The following RGS12 variants were observed in gnomAD, a reference collection of about 807,000 sequenced individuals.
The protein encoded by RGS12 is regulator of G-protein signaling 12.
A neutral mutation model predicts 120.1 loss-of-function variants in RGS12; 66 were observed. That is an observed-to-expected ratio of 0.55 (90% CI 0.45 to 0.67). RGS12 has a LOEUF of 0.67. Ranked by LOEUF, RGS12 falls within the 30% of genes least tolerant of loss-of-function variation. The pLI, the probability that RGS12 is intolerant of heterozygous loss-of-function variation, is 0.00. For synonymous variants in RGS12, 827 were observed against 804.7 expected (o/e 1.03, Z -0.47); for missense variants, 1,859 against 1,957.7 (o/e 0.95, Z 0.95).
At chr4:3,325,658 G>T (rs1240124331) in intron 2 of RGS12, among the ~76,000 whole-genome samples, 1 of 152,166 alleles carries the variant, frequency 6.6e-6, no homozygotes, top group East Asian at 1.9e-4. Context: ...CCAGAAAATG[G>T]AGGATGAGGG....
At chr4:3,401,384 G>T (rs1720563338) in intron 4 of RGS12, among the ~76,000 whole-genome samples, 1 of 152,156 alleles carries the variant, frequency 6.6e-6, no homozygotes. Context: ...GCTGTTACTT[G>T]GGACAAGCAA....
intron 2 of RGS12, among the ~76,000 whole-genome samples, chr4:3,320,780 G>A (rs911943198): frequency 6.6e-5 from 10 of 152,158 alleles, no homozygotes; most frequent in African/African-American, 1.7e-4. Flanking sequence ...GTCATGAGGC[G>A]GCCACAAGAT....
chr4:3,422,531 C>G lies in RGS12; in HGVS notation c.2994C>G (p.Asn998Lys). 6.2e-7 allele frequency: 1 copy of G among 1,612,780 alleles called. No homozygotes were observed. Among genetic ancestry groups the G allele is most frequent in the Non-Finnish European group, 8.5e-7 (1 of 1,179,952 alleles). The stretch of plus-strand genomic sequence containing the variant: ...GACTCTGTGAGCGGCATGGCATCAA[C>G]GGGGCGGCCGCGGACCTCTTCCTGG... The part of the protein sequence containing the change: ...LSGLCERHGI[N>K]GAAADLFLVG... The change falls in exon 11 of 18, where the codon AAC (asparagine) becomes AAG (lysine). Residue 998 changes from asparagine (N) to lysine (K), a missense_variant. Asn to Lys is a moderately conservative substitution (Grantham distance 94, BLOSUM62 0). Coordinates refer to ENST00000336727, the MANE Select transcript of RGS12 (RefSeq NM_001394154.1).
chr4:3,380,664 C>G (rs1718168104), intron 3 of RGS12, among the ~76,000 whole-genome samples: 1 of 152,250 alleles, frequency 6.6e-6, no homozygotes, highest in East Asian at 1.9e-4. Context: ...GGCTTTCACC[C>G]TCTGAAGCAA....
At chr4:3,400,496 C>G (rs1341690002) in intron 4 of RGS12, among the ~76,000 whole-genome samples, 1 of 151,994 alleles carries the variant, frequency 6.6e-6, no homozygotes, top group Admixed American at 6.6e-5. Context: ...CATATTATTA[C>G]CACACTGGAG....
At chr4:3,313,254 T>C (rs1206124692) in intron 1 of RGS12, among the ~76,000 whole-genome samples, 1 of 152,172 alleles carries the variant, frequency 6.6e-6, no homozygotes, top group African/African-American at 2.4e-5. Context: ...AGTCATGTCT[T>C]TCATTGAGGC....
chr4:3,301,555 G>A (rs1030512678), intron 1 of RGS12, among the ~76,000 whole-genome samples: 5 of 152,208 alleles, frequency 3.3e-5, no homozygotes, highest in East Asian at 3.9e-4. Flanking sequence ...GGAGAGGCCC[G>A]CCAGGGCCAG....
intron 2 of RGS12, chr4:3,342,727 G>A (rs1713367048): frequency 5.7e-6 from 4 of 703,674 alleles, no homozygotes; most frequent in Non-Finnish European, 4.5e-6. Context: ...AATACTTGAC[G>A]ATCCTGGGAT....
In RGS12 at chr4:3,316,167, C is replaced by T; in HGVS notation, c.-4C>T. The T allele has an allele frequency of 6.5e-7, 1 of 1,536,094 alleles. No individual in the cohort carries two copies. The highest frequency in any genetic ancestry group is 1.4e-5 in the African/African-American group (1 of 72,364). ...CGTGCTCTTGGTCTTGGAAGCTCAT[C>T]AGAATGTTTAGAGCTGGGGAGGCCT... is the stretch of plus-strand genomic sequence containing the variant. On this transcript the variant is annotated 5_prime_UTR_variant, in exon 2 of 18. Coordinates refer to ENST00000336727, the MANE Select transcript of RGS12 (RefSeq NM_001394154.1).
At chr4:3,323,262 G>A (rs1441542420) in intron 2 of RGS12, among the ~76,000 whole-genome samples, 3 of 152,234 alleles carry the variant, frequency 2.0e-5, no homozygotes, top group Admixed American at 6.5e-5. Context: ...CAGTGTGTTG[G>A]TGGGTGCTCA....
At chr4:3,361,089 G>C (rs1364924274) in intron 3 of RGS12, among the ~76,000 whole-genome samples, 1 of 152,194 alleles carries the variant, frequency 6.6e-6, no homozygotes, top group African/African-American at 2.4e-5. Flanking sequence ...ATGCTCGGTG[G>C]CTGTAGAAGC....
At chr4:3,402,708 T>G (rs751980349) in intron 4 of RGS12, among the ~76,000 whole-genome samples, 2 of 152,158 alleles carry the variant, frequency 1.3e-5, no homozygotes, top group Non-Finnish European at 2.9e-5. Flanking sequence ...AACCAGAAGG[T>G]CTGAACTTCC....
chr4:3,329,596 G>T (rs1056242654), intron 2 of RGS12, among the ~76,000 whole-genome samples: 8 of 143,334 alleles, frequency 5.6e-5, no homozygotes, highest in African/African-American at 2.3e-4. Context: ...GCAGGGAGGG[G>T]AACAGTGCGG....
At chr4:3,383,418 G>A (rs1013010293) in intron 3 of RGS12, among the ~76,000 whole-genome samples, 5 of 152,036 alleles carry the variant, frequency 3.3e-5, no homozygotes, top group African/African-American at 1.2e-4. Flanking sequence ...ACCAGCCTGG[G>A]CAACAGAATG....
chr4:3,345,214 T>A (rs959348694), intron 3 of RGS12, among the ~76,000 whole-genome samples: 4 of 152,094 alleles, frequency 2.6e-5, no homozygotes, highest in Non-Finnish European at 4.4e-5. Flanking sequence ...AGAGGAATAT[T>A]TTTGTATGTG....
intron 1 of RGS12, among the ~76,000 whole-genome samples, chr4:3,307,183 T>C (rs1321104165): frequency 6.6e-6 from 1 of 152,210 alleles, no homozygotes; most frequent in Non-Finnish European, 1.5e-5. Flanking sequence ...GGTCCTAGGA[T>C]ACGGCCTTTG....
chr4:3,396,920 T>A (rs1720098409), intron 4 of RGS12, among the ~76,000 whole-genome samples: 1 of 152,174 alleles, frequency 6.6e-6, no homozygotes, highest in African/African-American at 2.4e-5. Flanking sequence ...TGGGGTTTTT[T>A]TTTTTTAATT....
chr4:3,356,152 C>T (rs541234899), intron 3 of RGS12, among the ~76,000 whole-genome samples: 1 of 150,498 alleles, frequency 6.6e-6, no homozygotes, highest in East Asian at 2.0e-4. Context: ...CTCCTGGGCT[C>T]AGGCGATCCT....
intron 14 of RGS12, among the ~76,000 whole-genome samples, chr4:3,427,511 G>A (rs1723778812): frequency 6.6e-6 from 1 of 152,194 alleles, no homozygotes; most frequent in Admixed American, 6.5e-5. Context: ...CAAGGTGGGT[G>A]GATCACCTGA....
Sources: gnomAD v4.1 joint callset for allele counts (sites outside exome capture counted in the v4.1 genomes callset) on GRCh38, gnomAD v4.1.1 for gene constraint, MANE v1.5 for transcripts, NCBI Gene and HGNC (gene_info 2026-07-23, HGNC 2026-07-21) for gene names.